CNTNAP2: variants seen among roughly 807,000 people sequenced by gnomAD.
The protein encoded by CNTNAP2 is contactin associated protein 2.
CNTNAP2 carries 98 observed loss-of-function variants against 155.2 expected under a neutral mutation model. That is an observed-to-expected ratio of 0.63 (90% CI 0.54 to 0.75). CNTNAP2 has a LOEUF of 0.75. CNTNAP2 is among the 30% of genes least tolerant of loss of function. The pLI is 0.00. For missense variants in CNTNAP2, 1,727 were observed against 1,688.1 expected (o/e 1.02, Z -0.40); for synonymous variants, 651 against 631.2 (o/e 1.03, Z -0.47).
chr7:147,625,777 A>C (rs1794959287), intron 12 of CNTNAP2, among the ~76,000 whole-genome samples: 1 of 152,156 alleles, frequency 6.6e-6, no homozygotes, highest in Non-Finnish European at 1.5e-5. Flanking sequence ...CCTTTGAAAG[A>C]AGCAGCACAC....
intron 1 of CNTNAP2, among the ~76,000 whole-genome samples, chr7:146,564,464 T>G (rs914720999): frequency 6.6e-6 from 1 of 150,686 alleles, no homozygotes; most frequent in African/African-American, 2.4e-5. Context: ...AATATACAAA[T>G]TTTATATATG....
At chr7:148,028,917 G>C (rs1338838029) in intron 15 of CNTNAP2, among the ~76,000 whole-genome samples, 1 of 152,156 alleles carries the variant, frequency 6.6e-6, no homozygotes, top group Non-Finnish European at 1.5e-5. Flanking sequence ...AGATTTGGGG[G>C]AAGAGAAATC....
intron 8 of CNTNAP2, among the ~76,000 whole-genome samples, chr7:147,279,135 A>G (rs1804971168): frequency 6.6e-6 from 1 of 151,720 alleles, no homozygotes; most frequent in Non-Finnish European, 1.5e-5. Context: ...GTTATAATCT[A>G]CATAAATTTA....
At chr7:147,917,108 ACT>A (rs1262547397) in intron 14 of CNTNAP2, among the ~76,000 whole-genome samples, 2 of 151,800 alleles carry the variant, frequency 1.3e-5, no homozygotes, top group Non-Finnish European at 2.9e-5. Flanking sequence ...CAGCCTTAAA[ACT>A]CTCTTATCCT....
At chr7:147,950,413 TTG>T (rs1356007584) in intron 14 of CNTNAP2, among the ~76,000 whole-genome samples, 2 of 151,382 alleles carry the variant, frequency 1.3e-5, no homozygotes, top group Non-Finnish European at 2.9e-5. Flanking sequence ...GTTTTGTTTA[TTG>T]TGCTTATCAC....
chr7:147,273,642 A>T (rs1226027253), intron 8 of CNTNAP2, among the ~76,000 whole-genome samples: 2 of 151,654 alleles, frequency 1.3e-5, no homozygotes, highest in Non-Finnish European at 2.9e-5. Flanking sequence ...TATTTGTCTT[A>T]GGATAATGGC....
intron 15 of CNTNAP2, among the ~76,000 whole-genome samples, chr7:148,065,103 G>A (rs1256385874): frequency 6.6e-6 from 1 of 152,092 alleles, no homozygotes; most frequent in Non-Finnish European, 1.5e-5. Context: ...ATGGTTTTGA[G>A]GATTCCTTTT....
intron 20 of CNTNAP2, among the ~76,000 whole-genome samples, chr7:148,257,645 C>G (rs575986343): frequency 2.6e-4 from 39 of 152,198 alleles, no homozygotes; most frequent in African/African-American, 9.4e-4. Context: ...GCTTGTGGCT[C>G]TCAGCAATGT....
intron 1 of CNTNAP2, among the ~76,000 whole-genome samples, chr7:146,126,092 C>T (rs1467846074): frequency 1.3e-5 from 2 of 152,164 alleles, no homozygotes; most frequent in East Asian, 3.8e-4. Context: ...ATCAGAGACA[C>T]ATGGAGAAGT....
chr7:147,994,173 C>A lies in CNTNAP2; in HGVS notation c.2383+16184C>A, dbSNP rs76028808. Among the ~76,000 whole-genome samples the A allele has an allele frequency of 9.5e-3, 1,443 of 152,018 alleles. 22 individuals carry two copies. The highest frequency in any genetic ancestry group is 0.034 in the African/African-American group (1,391 of 41,448). On this transcript the variant is annotated intron_variant, in intron 15 of 23. Transcript: ENST00000361727. Reference sequence around the variant, plus strand: ...TTGCTTGAGCCCCAGGAGTTTGAGACCAGCCTGGGCAACATAGCAAGACCC... The same window carrying A: ...TTGCTTGAGCCCCAGGAGTTTGAGAACAGCCTGGGCAACATAGCAAGACCC...
At chr7:147,617,550 C>A (rs1801316384) in intron 12 of CNTNAP2, among the ~76,000 whole-genome samples, 1 of 151,758 alleles carries the variant, frequency 6.6e-6, no homozygotes, top group Non-Finnish European at 1.5e-5. Flanking sequence ...TGCATATTGC[C>A]CCTCCCCACC....
At position 147,288,539 on chromosome 7, in the gene CNTNAP2, T is replaced by A. The variant is rs561384838; in HGVS notation, c.1349-11602T>A. Among the ~76,000 whole-genome samples the A allele has an allele frequency of 2.0e-5, 3 of 152,300 alleles. No homozygotes were observed. In the East Asian group the frequency reaches 5.8e-4, roughly 29 times the overall value. ...AGCAAAGACTGTCAAATCACCCCAG[T>A]CATAAGAAATCAGAGAAAGCAGACG... On this transcript the variant is annotated intron_variant, in intron 8 of 23. Transcript: ENST00000361727.
intron 1 of CNTNAP2, among the ~76,000 whole-genome samples, chr7:146,638,695 C>G (rs1463537384): frequency 1.3e-5 from 2 of 151,676 alleles, no homozygotes; most frequent in Non-Finnish European, 2.9e-5. Context: ...CCGTGTTAGC[C>G]AGGATGGTCT....
intron 12 of CNTNAP2, among the ~76,000 whole-genome samples, chr7:147,585,496 A>G (rs1010671872): frequency 6.7e-6 from 1 of 149,974 alleles, no homozygotes; most frequent in South Asian, 2.1e-4. Flanking sequence ...ATAGATATAT[A>G]GATCTATTAA....
chr7:148,405,209 G>A (rs1395391297), intron 22 of CNTNAP2, among the ~76,000 whole-genome samples: 1 of 152,044 alleles, frequency 6.6e-6, no homozygotes, highest in East Asian at 1.9e-4. Flanking sequence ...AGGAAGGAAG[G>A]GGCAGGAGAG....
chr7:146,441,516 A>G (rs1796320664), intron 1 of CNTNAP2, among the ~76,000 whole-genome samples: 1 of 151,454 alleles, frequency 6.6e-6, no homozygotes, highest in African/African-American at 2.5e-5. Context: ...ATGCATGGCC[A>G]TGGAGATCAT....
chr7:147,472,881 C>G (rs1584755095), intron 10 of CNTNAP2, among the ~76,000 whole-genome samples: 2 of 152,246 alleles, frequency 1.3e-5, no homozygotes, highest in East Asian at 3.9e-4. Context: ...CCTCTGATAC[C>G]TCTAAGTGAT....
chr7:146,553,373 A>C (rs1405858722), intron 1 of CNTNAP2, among the ~76,000 whole-genome samples: 1 of 151,972 alleles, frequency 6.6e-6, no homozygotes, highest in Non-Finnish European at 1.5e-5. Flanking sequence ...AAAAGTACTG[A>C]AGTAAATACT....
At chr7:147,738,851 C>T (rs551733319) in intron 13 of CNTNAP2, among the ~76,000 whole-genome samples, 155 of 152,072 alleles carry the variant, frequency 1.0e-3, no homozygotes, top group Non-Finnish European at 1.6e-3. Flanking sequence ...GACAGGGTTT[C>T]GCCATGATGG....
Sources: gnomAD v4.1 joint callset for allele counts (sites outside exome capture counted in the v4.1 genomes callset) on GRCh38, gnomAD v4.1.1 for gene constraint, MANE v1.5 for transcripts, NCBI Gene and HGNC (gene_info 2026-07-23, HGNC 2026-07-21) for gene names.